CDK12: variants seen among roughly 807,000 people sequenced by gnomAD.
The protein encoded by CDK12 is cyclin-dependent kinase 12.
Under a neutral mutation model 133.8 loss-of-function variants are expected in CDK12, and 17 were observed. The observed-to-expected ratio is 0.13, with a 90% CI of 0.09 to 0.19. CDK12 has a LOEUF of 0.19. Ranked by LOEUF, CDK12 falls within the 10% of genes least tolerant of loss-of-function variation. The pLI, the probability that CDK12 is intolerant of heterozygous loss-of-function variation, is 1.00. For missense variants in CDK12, 1,508 were observed against 1,818.7 expected, an observed-to-expected ratio of 0.83 and a Z score of 3.11; for synonymous variants, 694 against 683.6, an observed-to-expected ratio of 1.02 and a Z score of -0.24.
At position 39,526,230 on chromosome 17, in the gene CDK12, G is replaced by A. The variant is rs2146722282; in HGVS notation, c.3674G>A (p.Gly1225Asp). ...CTGATGAAAACCCAAGAGCCAGCAG[G>A]CAGTCTGGAGGAAAACAACAGTGAC... ...SQLMKTQEPA[G>D]SLEENNSDKN... The change falls in exon 13 of 14, where the codon GGC (glycine) becomes GAC (aspartate). Residue 1225 changes from glycine (G) to aspartate (D), a missense_variant. Physicochemically the swap from Gly to Asp is moderately conservative, Grantham distance 94. Coordinates refer to ENST00000447079, the MANE Select transcript of CDK12 (RefSeq NM_016507.4). 6.2e-7 allele frequency: 1 copy of A among 1,613,074 alleles called. No individual in the cohort carries two copies. Among genetic ancestry groups the A allele is most frequent in the East Asian group, 2.2e-5 (1 of 44,872 alleles).
chr17:39,534,535 T>A lies in CDK12; in HGVS notation c.*3219T>A, dbSNP rs899253902. On this transcript the variant is annotated 3_prime_UTR_variant, in exon 14 of 14. Transcript: ENST00000447079. ...GGAGATTGGAAAATTAAATATTTCCTGTTACTATACCACTTTTGCTCCATT... is the reference window on the plus strand; with the variant it reads ...GGAGATTGGAAAATTAAATATTTCCAGTTACTATACCACTTTTGCTCCATT... The A allele has an allele frequency of 2.6e-5, 6 of 231,830 alleles. No individual in the cohort carries two copies. The highest frequency in any genetic ancestry group is 5.1e-5 in the Non-Finnish European group (6 of 117,190). The allele number at this position is 231,830 out of a possible 1,614,324, so 14.4% of individuals were successfully genotyped here.
chr17:39,523,169 A>T (rs1290883600), intron 11 of CDK12, among the ~76,000 whole-genome samples: 1 of 151,878 alleles, frequency 6.6e-6, no homozygotes, highest in African/African-American at 2.4e-5. Flanking sequence ...CCCACATTAT[A>T]GCACATAAAA....
chr17:39,530,721 T>C lies in CDK12; in HGVS notation c.3878T>C (p.Leu1293Ser). The C allele has an allele frequency of 6.2e-7, 1 of 1,613,756 alleles. No individual in the cohort carries two copies. Among genetic ancestry groups the C allele is most frequent in the Non-Finnish European group, 8.5e-7 (1 of 1,179,920 alleles). ...EGDLSSAPQE[L>S]NPAVTAALLQ... ...GATCTTTCCAGCGCCCCCCAGGAGTTGAACCCAGCCGTGACAGCCGCCTTG... is the reference window on the plus strand; with the variant it reads ...GATCTTTCCAGCGCCCCCCAGGAGTCGAACCCAGCCGTGACAGCCGCCTTG... Residue 1293 changes from leucine to serine, a missense_variant, in exon 14 of 14, where the codon TTG becomes TCG. Transcript: ENST00000447079.
rs541114299 is a variant in CDK12 at position 39,512,035 on chromosome 17, A to G, written c.2768+405A>G. On this transcript the variant is annotated intron_variant, in intron 8 of 13. Coordinates refer to ENST00000447079, the MANE Select transcript of CDK12 (RefSeq NM_016507.4). Reference sequence around the variant, plus strand: ...GCCTTTTATAGTCTGGATTTCGCAGATTGTATCCTTGTGATGATATATATG... The same window carrying G: ...GCCTTTTATAGTCTGGATTTCGCAGGTTGTATCCTTGTGATGATATATATG... Among the ~76,000 whole-genome samples, 3 of 152,220 alleles carry G rather than the reference A, an allele frequency of 2.0e-5. No homozygotes were observed. In the East Asian group the frequency reaches 5.8e-4, roughly 29 times the overall value.
At position 39,519,938 on chromosome 17, in the gene CDK12, C is replaced by T. The variant is rs2146572787; in HGVS notation, c.2964-18C>T. On this transcript the variant is annotated intron_variant, in intron 10 of 13. Transcript: ENST00000447079. ...TAGGGTCATTGTGAACTTGTCCTTTCTGTGTTCTTTTCCATAGCATTCCTT... is the reference window on the plus strand; with the variant it reads ...TAGGGTCATTGTGAACTTGTCCTTTTTGTGTTCTTTTCCATAGCATTCCTT... 1.2e-6 allele frequency: 2 copies of T among 1,613,422 alleles called. No individual in the cohort carries two copies. Among genetic ancestry groups the T allele is most frequent in the Non-Finnish European group, 8.5e-7 (1 of 1,179,628 alleles).
upstream of CDK12, among the ~76,000 whole-genome samples, chr17:39,544,625 CTTTTTTTT>C (rs71147355): frequency 1.6e-5 from 1 of 60,908 alleles, no homozygotes; most frequent in African/African-American, 6.2e-5. Context: ...AACAGGCGAT[CTTTTTTTT>C]TTTTTTTTTT....
rs201228796 is a variant in CDK12 at position 39,493,166 on chromosome 17, G to GTTTT, written c.2248+289_2248+292dup. Among the ~76,000 whole-genome samples, 16 of 132,502 alleles carry GTTTT rather than the reference G, an allele frequency of 1.2e-4. 1 individual carries two copies. The highest frequency in any genetic ancestry group is 7.0e-4 in the South Asian group (3 of 4,284). The allele number at this position is 132,502 out of a possible 152,430, so 86.9% of individuals were successfully genotyped here. Reference sequence around the variant, plus strand: ...GCGCAACCACACTCGACTAATTTTTGTTTTTTTTTTTTTTTTAGTAGAAAC... The same window carrying GTTTT: ...GCGCAACCACACTCGACTAATTTTTGTTTTTTTTTTTTTTTTTTTTAGTAGAAAC... On this transcript the variant is annotated intron_variant, in intron 4 of 13. Transcript: ENST00000447079.
chr17:39,467,234 C>T (rs2049406725), intron 1 of CDK12, among the ~76,000 whole-genome samples: 1 of 152,106 alleles, frequency 6.6e-6, no homozygotes, highest in African/African-American at 2.4e-5. Context: ...GCCTCAGCCT[C>T]CCAAAGCGCT....
intron 9 of CDK12, among the ~76,000 whole-genome samples, chr17:39,516,183 C>T (rs954678824): frequency 2.6e-5 from 4 of 152,024 alleles, no homozygotes; most frequent in Non-Finnish European, 4.4e-5. Flanking sequence ...AAATAGGTCC[C>T]CGCCTTCAAA....
chr17:39,523,312 A>G (rs983577520), intron 11 of CDK12, among the ~76,000 whole-genome samples: 2 of 151,950 alleles, frequency 1.3e-5, no homozygotes, highest in South Asian at 4.2e-4. Flanking sequence ...CGTCTCTACT[A>G]AAAAATACAA....
chr17:39,518,443 A>T (rs1252904874), intron 10 of CDK12, among the ~76,000 whole-genome samples: 3 of 151,598 alleles, frequency 2.0e-5, no homozygotes, highest in Non-Finnish European at 4.4e-5. Flanking sequence ...CTGGGCTTAA[A>T]CTTTGAGAGG....
At chr17:39,520,665 G>A (rs2054106231) in intron 11 of CDK12, among the ~76,000 whole-genome samples, 1 of 151,446 alleles carries the variant, frequency 6.6e-6, no homozygotes, top group Non-Finnish European at 1.5e-5. Flanking sequence ...GGGATTACAG[G>A]CGTAAGCCAC....
chr17:39,462,933 AGCACCC>A lies in CDK12; in HGVS notation c.864_869del (p.Ser288_Thr289del). On this transcript the variant is annotated inframe_deletion, in exon 1 of 14. Transcript: ENST00000447079. ...CAAGGAGCCTTCGGCCTACCAGTCC[AGCACCC>A]GGTCACCGAGCCCCTACAGTAGGCG... 1 of 1,614,210 alleles carries A rather than the reference AGCACCC, an allele frequency of 6.2e-7. No individual in the cohort carries two copies. Among genetic ancestry groups the A allele is most frequent in the Non-Finnish European group, 8.5e-7 (1 of 1,180,034 alleles).
chr17:39,479,308 G>GA (rs34077108), intron 2 of CDK12, among the ~76,000 whole-genome samples: 61,692 of 100,150 alleles, frequency 0.62, 20,218 homozygotes, highest in South Asian at 0.86. Context: ...GACTCCGTCT[G>GA]AAAAAAAAAA....
chr17:39,521,692 T>C (rs1330733708), intron 11 of CDK12, among the ~76,000 whole-genome samples: 1 of 151,992 alleles, frequency 6.6e-6, no homozygotes, highest in African/African-American at 2.4e-5. Flanking sequence ...ACTGAGTAGC[T>C]GGGATTATAG....
intron 3 of CDK12, among the ~76,000 whole-genome samples, chr17:39,563,388 A>G (rs2056452067): frequency 6.9e-6 from 1 of 144,398 alleles, no homozygotes; most frequent in South Asian, 2.2e-4. Flanking sequence ...AGAGAACTCA[A>G]TATTCTCTCT....
upstream of CDK12, chr17:39,549,682 CT>C (rs1261279179): frequency 6.6e-6 from 1 of 152,274 alleles, no homozygotes; most frequent in Non-Finnish European, 1.5e-5. Context: ...AGGCCTCAGA[CT>C]CTCCCAATCC....
intron 2 of CDK12, among the ~76,000 whole-genome samples, chr17:39,482,115 C>A (rs902854955): frequency 1.3e-5 from 2 of 150,406 alleles, no homozygotes; most frequent in African/African-American, 4.9e-5. Flanking sequence ...CTGGGTTCAA[C>A]CAATTCTCCT....
intron 13 of CDK12, among the ~76,000 whole-genome samples, chr17:39,529,304 A>G (rs1201756614): frequency 6.6e-6 from 1 of 152,218 alleles, no homozygotes; most frequent in Non-Finnish European, 1.5e-5. Context: ...CTAAGGGAAT[A>G]CAAACTTAAT....
Sources: gnomAD v4.1 joint callset for allele counts (sites outside exome capture counted in the v4.1 genomes callset) on GRCh38, gnomAD v4.1.1 for gene constraint, MANE v1.5 for transcripts, NCBI Gene and HGNC (gene_info 2026-07-23, HGNC 2026-07-21) for gene names.